ZNF763: variants seen among roughly 807,000 people sequenced by gnomAD.
ZNF763 encodes DNA-binding protein.
Under a neutral mutation model 38.0 loss-of-function variants are expected in ZNF763, and 33 were observed. The ratio of observed to expected loss-of-function variants is 0.87; its 90% CI spans 0.66 to 1.16. The LOEUF (loss-of-function observed/expected upper bound fraction) is 1.16. Ranked by LOEUF, ZNF763 falls within the 50% of genes most tolerant of loss-of-function variation. The probability of loss-of-function intolerance (pLI) is 0.00; values close to 1 mark genes in which losing one functional copy is unlikely to be tolerated. For synonymous variants in ZNF763, 155 were observed against 160.1 expected, an observed-to-expected ratio of 0.97 and a Z score of 0.24; for missense variants, 423 against 469.1, an observed-to-expected ratio of 0.90 and a Z score of 0.91.
In ZNF763 at chr19:11,979,980, A is replaced by G; in HGVS notation, c.*871A>G. ...AAATCTTACACTGGAGAGAAACCCT[A>G]TGAGTGTAAGCAATGTGGGAAAGCC... On this transcript the variant is annotated 3_prime_UTR_variant, in exon 4 of 4. Coordinates refer to ENST00000358987, the MANE Select transcript of ZNF763 (RefSeq NM_001367172.2). 6 of 1,204,456 alleles carry G rather than the reference A, an allele frequency of 5.0e-6. No individual in the cohort carries two copies. The South Asian group carries it at 7.3e-5, about 15-fold the overall frequency. 74.6% of individuals were successfully genotyped at this position (1,204,456 alleles called of 1,614,324 possible).
chr19:11,966,086 A>T (rs1349137695), intron 1 of ZNF763, among the ~76,000 whole-genome samples: 1 of 152,150 alleles, frequency 6.6e-6, no homozygotes, highest in Non-Finnish European at 1.5e-5. Flanking sequence ...CTGTTTCTCG[A>T]GATTTTATGA....
chr19:11,965,101 G>A lies in ZNF763; in HGVS notation c.-108G>A. 5 of 1,485,948 alleles carry A rather than the reference G, an allele frequency of 3.4e-6. No homozygotes were observed. The South Asian group carries it at 5.7e-5, about 17-fold the overall frequency. 92.0% of individuals were successfully genotyped at this position (1,485,948 alleles called of 1,614,324 possible). ...ATATCCGCTGTATCCATCCCCGAGA[G>A]GGACCTGGTACCTCTACCCAGGTTT... On this transcript the variant is annotated 5_prime_UTR_variant, in exon 1 of 4. Coordinates refer to ENST00000358987, the MANE Select transcript of ZNF763 (RefSeq NM_001367172.2).
chr19:11,979,931 G>A lies in ZNF763; in HGVS notation c.*822G>A, dbSNP rs575484460. 2.4e-4 allele frequency: 317 copies of A among 1,316,356 alleles called. 1 individual carries two copies. The African/African-American group carries it at 4.5e-3, about 19-fold the overall frequency. 81.5% of individuals were successfully genotyped at this position (1,316,356 alleles called of 1,614,324 possible). ...GATATGTGGGAAAGGCTTTTATTCT[G>A]CCAAGTCATTTCAAATACCTGAAAA... On this transcript the variant is annotated 3_prime_UTR_variant, in exon 4 of 4. Transcript: ENST00000358987.
In ZNF763 at chr19:11,979,431, T is replaced by C; in HGVS notation, c.*322T>C. Reference sequence around the variant, plus strand: ...ATTCATGAAAGGACACAAACACACATAAGAATACACTCTGGAGAAAGACCT... The same window carrying C: ...ATTCATGAAAGGACACAAACACACACAAGAATACACTCTGGAGAAAGACCT... On this transcript the variant is annotated 3_prime_UTR_variant, in exon 4 of 4. Coordinates refer to ENST00000358987, the MANE Select transcript of ZNF763 (RefSeq NM_001367172.2). 1 of 1,602,444 alleles carries C rather than the reference T, an allele frequency of 6.2e-7. No homozygotes were observed. Among genetic ancestry groups the C allele is most frequent in the Non-Finnish European group, 8.5e-7 (1 of 1,175,054 alleles).
chr19:11,977,524 T>C, intron 3 of ZNF763, 93 bp downstream of exon 3: 1 of 1,440,460 alleles, frequency 6.9e-7, no homozygotes, highest in South Asian at 1.2e-5. Context: ...CTAAGTCCAG[T>C]ATCAAATTCA....
Position 11,978,325 on chromosome 19 carries a change from A to C in ZNF763, c.401A>C (p.Tyr134Ser). 6 of 1,614,232 alleles carry C rather than the reference A, an allele frequency of 3.7e-6. No homozygotes were observed. Among genetic ancestry groups the C allele is most frequent in the Non-Finnish European group, 5.1e-6 (6 of 1,180,044 alleles). The change falls in exon 4 of 4, where the codon TAC (tyrosine) becomes TCC (serine). Residue 134 changes from tyrosine to serine, a missense_variant. By Grantham distance (144) the Tyr-to-Ser change is moderately radical (BLOSUM62 -2). Coordinates refer to ENST00000358987, the MANE Select transcript of ZNF763 (RefSeq NM_001367172.2). The part of the protein sequence containing the change: ...NIRGDIGHKA[Y>S]EYQDYAPKPY... ...AGAGGTGACATTGGGCACAAGGCATACGAGTATCAGGACTATGCACCAAAG... is the reference window on the plus strand; with the variant it reads ...AGAGGTGACATTGGGCACAAGGCATCCGAGTATCAGGACTATGCACCAAAG...
intron 1 of ZNF763, 149 bp downstream of exon 1, chr19:11,965,360 C>A: frequency 1.8e-6 from 2 of 1,115,816 alleles, no homozygotes; most frequent in Non-Finnish European, 2.6e-6. Flanking sequence ...TCGGTCCCCT[C>A]GGCCGCTGGA....
chr19:11,974,878 C>T lies in ZNF763; in HGVS notation c.4-2160C>T, dbSNP rs1973451890. On this transcript the variant is annotated intron_variant, in intron 1 of 3. Coordinates refer to ENST00000358987, the MANE Select transcript of ZNF763 (RefSeq NM_001367172.2). ...TTGGCCTTGCAAGGTGCTGGGATTA[C>T]AGGCATGAGCCACCACACCTGGCTG... Among the ~76,000 whole-genome samples, 3 of 152,222 alleles carry T rather than the reference C, an allele frequency of 2.0e-5. No individual in the cohort carries two copies. The South Asian group carries it at 6.2e-4, about 31-fold the overall frequency.
rs1399486836 is a variant in ZNF763, at chr19:11,977,018, A to T, written c.4-20A>T. ...CTGTCACTCTCACCCAGCCTCCTCT[A>T]CACATGTGAGATGTTTCAGGACCCT... is the stretch of plus-strand genomic sequence containing the variant. On this transcript the variant is annotated intron_variant, in intron 1 of 3. Transcript: ENST00000358987. The T allele has an allele frequency of 1.2e-6, 2 of 1,613,966 alleles. No individual in the cohort carries two copies. The highest frequency in any genetic ancestry group is 2.2e-5 in the South Asian group (2 of 91,064).
chr19:11,974,799 C>T (rs1431666529), intron 1 of ZNF763, among the ~76,000 whole-genome samples: 3 of 151,962 alleles, frequency 2.0e-5, no homozygotes, highest in East Asian at 3.9e-4. Context: ...AATGGAGTTA[C>T]ACCATGTTGG....
chr19:11,978,635 T>C lies in ZNF763; in HGVS notation c.711T>C (p.Phe237=). 6.2e-7 allele frequency: 1 copy of C among 1,613,832 alleles called. No homozygotes were observed. Among genetic ancestry groups the C allele is most frequent in the Non-Finnish European group, 8.5e-7 (1 of 1,179,916 alleles). The change falls in exon 4 of 4, where the codon TTT becomes TTC. Residue 237 remains phenylalanine (F), a synonymous_variant. Transcript: ENST00000358987. ...PYECKQCVKS[F]SYSATHRIHE... ...AATGTAAACAATGTGTTAAATCCTT[T>C]AGTTATTCTGCTACCCATCGAATAC...
intron 1 of ZNF763, among the ~76,000 whole-genome samples, chr19:11,974,118 TTTCTTTC>T (rs1174534302): frequency 7.2e-5 from 5 of 69,064 alleles, no homozygotes; most frequent in Admixed American, 1.4e-4. Flanking sequence ...TCTTTCTTTC[TTTCTTTC>T]TTTTCTTTCT....
At chr19:11,967,880 C>T (rs1973270283) in intron 1 of ZNF763, among the ~76,000 whole-genome samples, 1 of 152,218 alleles carries the variant, frequency 6.6e-6, no homozygotes, top group Non-Finnish European at 1.5e-5. Context: ...CTGACAGCGT[C>T]ACAAAATTTA....
At chr19:11,972,024 T>C (rs1973361808) in intron 1 of ZNF763, among the ~76,000 whole-genome samples, 1 of 150,806 alleles carries the variant, frequency 6.6e-6, no homozygotes, top group Non-Finnish European at 1.5e-5. Flanking sequence ...ATGGTGTCAT[T>C]GCACTCCAGC....
chr19:11,974,114 TTTCTTTC>T (rs1331183029), intron 1 of ZNF763, among the ~76,000 whole-genome samples: 1 of 84,918 alleles, frequency 1.2e-5, no homozygotes, highest in African/African-American at 4.6e-5. Context: ...TCTTTCTTTC[TTTCTTTC>T]TTTCTTTTCT....
intron 1 of ZNF763, among the ~76,000 whole-genome samples, chr19:11,975,617 C>T (rs1207386139): frequency 6.6e-6 from 1 of 150,460 alleles, no homozygotes; most frequent in African/African-American, 2.4e-5. Context: ...CTCCTGACCT[C>T]GTGATCCGCC....
intron 1 of ZNF763, among the ~76,000 whole-genome samples, chr19:11,970,466 A>C (rs769491753): frequency 5.9e-5 from 9 of 152,236 alleles, no homozygotes; most frequent in Non-Finnish European, 1.2e-4. Flanking sequence ...GGTAACATAT[A>C]AATAAAAGAA....
rs368129645 is a variant in ZNF763, at chr19:11,980,242, G to A, written c.*1133G>A. ...CTAAAACTACAAAAATTGGCCAGGCGTGGTGGCCTGCTTCTGTAATCCTAG... is the reference window on the plus strand; with the variant it reads ...CTAAAACTACAAAAATTGGCCAGGCATGGTGGCCTGCTTCTGTAATCCTAG... On this transcript the variant is annotated 3_prime_UTR_variant, in exon 4 of 4. Coordinates refer to ENST00000358987, the MANE Select transcript of ZNF763 (RefSeq NM_001367172.2). 60 of 357,384 alleles carry A rather than the reference G, an allele frequency of 1.7e-4. No individual in the cohort carries two copies. Among genetic ancestry groups the A allele is most frequent in the African/African-American group, 6.5e-4 (30 of 46,368 alleles). The allele number at this position is 357,384 out of a possible 1,614,324, so 22.1% of individuals were successfully genotyped here.
intron 1 of ZNF763, among the ~76,000 whole-genome samples, chr19:11,971,870 C>A (rs1017672051): frequency 1.9e-4 from 29 of 152,108 alleles, no homozygotes; most frequent in Non-Finnish European, 4.1e-4. Flanking sequence ...TTGAGACCAG[C>A]CTGACAAACG....
Sources: gnomAD v4.1 joint callset for allele counts (sites outside exome capture counted in the v4.1 genomes callset) on GRCh38, gnomAD v4.1.1 for gene constraint, MANE v1.5 for transcripts, NCBI Gene and HGNC (gene_info 2026-07-23, HGNC 2026-07-21) for gene names.